DYSF: variants seen among roughly 807,000 people sequenced by gnomAD.
DYSF encodes dystrophy-associated fer-1-like 1.
Under a neutral mutation model 274.9 loss-of-function variants are expected in DYSF, and 212 were observed. The observed-to-expected ratio is 0.77, with a 90% confidence interval of 0.69 to 0.86. The LOEUF is 0.86. Among genes scored for constraint, DYSF ranks in the 40% least tolerant of loss-of-function variants. The pLI is 0.00. For synonymous variants in DYSF, 1,091 were observed against 1,078.7 expected (o/e 1.01, Z -0.22); for missense variants, 2,666 against 2,783.2 (o/e 0.96, Z 0.95).
At chr2:71,470,390 C>T (rs79819546) in intron 1 of DYSF, among the ~76,000 whole-genome samples, 21,195 of 152,082 alleles carry the variant, frequency 0.14, 1,964 homozygotes, top group East Asian at 0.44. Flanking sequence ...TTGAAAACAG[C>T]GGCCAGGCGT....
intron 52 of DYSF, among the ~76,000 whole-genome samples, chr2:71,677,213 T>C (rs1259184351): frequency 6.6e-6 from 1 of 152,126 alleles, no homozygotes; most frequent in Non-Finnish European, 1.5e-5. Flanking sequence ...GACGGATTGA[T>C]AAATGGATGA....
rs2152811392 is a variant in DYSF at position 71,568,276 on chromosome 2, C to T, written c.2802C>T (p.Asp934=). The change falls in exon 26 of 56, where the codon GAC becomes GAT. Residue 934 remains aspartate, a synonymous_variant. Transcript: ENST00000410020. ...DVTGKIKLPK[D]SFRPSAGWTW... Reference sequence around the variant, plus strand: ...CGGGCAAGATCAAGCTACCCAAGGACAGCTTCCGCCCCTCGGCCGGCTGGA... The same window carrying T: ...CGGGCAAGATCAAGCTACCCAAGGATAGCTTCCGCCCCTCGGCCGGCTGGA... 3 of 1,614,254 alleles carry T rather than the reference C, an allele frequency of 1.9e-6. No individual in the cohort carries two copies. The highest frequency in any genetic ancestry group is 1.6e-4 in the Middle Eastern group (1 of 6,062).
intron 29 of DYSF, 174 bp downstream of exon 29, chr2:71,570,915 C>A: frequency 2.3e-6 from 2 of 875,814 alleles, no homozygotes; most frequent in Non-Finnish European, 3.4e-6. Flanking sequence ...AAGATCACAC[C>A]CAGCATACAC....
intron 41 of DYSF, among the ~76,000 whole-genome samples, chr2:71,639,595 A>C (rs892625761): frequency 1.3e-5 from 2 of 152,202 alleles, no homozygotes; most frequent in Non-Finnish European, 2.9e-5. Context: ...TGTAATGTTT[A>C]ATCATATGGA....
intron 41 of DYSF, among the ~76,000 whole-genome samples, chr2:71,627,748 A>AT (rs1262569523): frequency 1.3e-5 from 2 of 151,998 alleles, no homozygotes; most frequent in Admixed American, 6.6e-5. Context: ...TGCTCTCTAT[A>AT]TTTTTTCTCT....
intron 42 of DYSF, among the ~76,000 whole-genome samples, chr2:71,653,577 G>A (rs1324991470): frequency 8.8e-5 from 13 of 147,572 alleles, no homozygotes; most frequent in Admixed American, 2.1e-4. Context: ...ACCAAACACC[G>A]CATGTTCTCA....
intron 50 of DYSF, 71 bp from the exon 51 acceptor site, chr2:71,669,534 C>T: frequency 6.3e-7 from 1 of 1,590,640 alleles, no homozygotes; most frequent in Non-Finnish European, 8.6e-7. Context: ...CCTTGTCTGC[C>T]TAAGTTGACG....
intron 55 of DYSF, among the ~76,000 whole-genome samples, chr2:71,683,428 C>G (rs1362014072): frequency 6.6e-6 from 1 of 152,208 alleles, no homozygotes; most frequent in Non-Finnish European, 1.5e-5. Context: ...ACCAGGGAGC[C>G]TCCCCCAGTG....
chr2:71,481,995 C>G (rs1238754244), intron 3 of DYSF, 25 bp downstream of exon 3: 1 of 1,594,688 alleles, frequency 6.3e-7, no homozygotes, highest in Non-Finnish European at 8.6e-7. Flanking sequence ...GGGGGGTGCT[C>G]CATGGCTTGA....
At position 71,682,729 on chromosome 2, in the gene DYSF, A is replaced by C. The variant is rs767647054; in HGVS notation, c.6321+52A>C. 35 of 1,582,844 alleles carry C rather than the reference A, an allele frequency of 2.2e-5. No homozygotes were observed. In the African/African-American group the frequency reaches 4.5e-4, roughly 20 times the overall value. On this transcript the variant is annotated intron_variant, in intron 55 of 55. Coordinates refer to ENST00000410020, the MANE Select transcript of DYSF (RefSeq NM_001130987.2). ...GGGGGAACTCTGGGTCTAATGGGGG[A>C]GTTCATCATTGTCCTCAAAGAGCTC...
At chr2:71,604,505 A>T (rs2093612687) in intron 36 of DYSF, among the ~76,000 whole-genome samples, 1 of 152,144 alleles carries the variant, frequency 6.6e-6, no homozygotes, top group Non-Finnish European at 1.5e-5. Flanking sequence ...GCCCCTGGCC[A>T]TGGGAGCCCA....
At chr2:71,678,142 T>C (rs1175288861) in intron 52 of DYSF, among the ~76,000 whole-genome samples, 4 of 152,212 alleles carry the variant, frequency 2.6e-5, no homozygotes, top group Non-Finnish European at 5.9e-5. Context: ...TTTGTAAGCA[T>C]AGCCTGAAGG....
intron 42 of DYSF, among the ~76,000 whole-genome samples, chr2:71,645,468 C>T (rs1161740433): frequency 7.2e-5 from 11 of 151,746 alleles, no homozygotes; most frequent in African/African-American, 2.2e-4. Context: ...CTCGACATCC[C>T]GCCGCTTGTG....
At chr2:71,481,784 C>T in intron 2 of DYSF, 95 bp from the exon 3 acceptor site, 1 of 919,418 alleles carries the variant, frequency 1.1e-6, no homozygotes, top group Non-Finnish European at 1.8e-6. Flanking sequence ...TTCATGAATG[C>T]CTACTCAGTG....
intron 30 of DYSF, among the ~76,000 whole-genome samples, chr2:71,578,149 T>G (rs1353269232): frequency 6.6e-6 from 1 of 152,156 alleles, no homozygotes; most frequent in African/African-American, 2.4e-5. Context: ...AGACTCTGAT[T>G]CAGGGTCTGG....
chr2:71,662,420 GTA>G (rs1019179092), intron 45 of DYSF, among the ~76,000 whole-genome samples: 3 of 151,940 alleles, frequency 2.0e-5, no homozygotes, highest in Non-Finnish European at 4.4e-5. Context: ...AGTTGTGTGT[GTA>G]TATGTGTGTA....
At chr2:71,473,267 A>AGC (rs2082166042) in intron 1 of DYSF, among the ~76,000 whole-genome samples, 1 of 152,194 alleles carries the variant, frequency 6.6e-6, no homozygotes, top group Non-Finnish European at 1.5e-5. Flanking sequence ...CCTTCAGCCC[A>AGC]CGCTAGGGCC....
intron 41 of DYSF, among the ~76,000 whole-genome samples, chr2:71,642,734 G>A (rs903358057): frequency 6.6e-6 from 1 of 152,168 alleles, no homozygotes; most frequent in African/African-American, 2.4e-5. Flanking sequence ...GTGGAGACTC[G>A]AGAACCTCAT....
upstream of DYSF, among the ~76,000 whole-genome samples, chr2:71,465,327 G>A (rs747471875): frequency 4.6e-5 from 7 of 152,170 alleles, no homozygotes; most frequent in Non-Finnish European, 7.3e-5. Context: ...TTTGGGCACA[G>A]ATGCCGAGGG....
Sources: allele counts gnomAD v4.1 joint callset (sites outside exome capture counted in the v4.1 genomes callset), GRCh38; gene constraint gnomAD v4.1.1; transcripts MANE v1.5; gene names NCBI Gene and HGNC (gene_info 2026-07-23, HGNC 2026-07-21).